CASR: variants seen among roughly 807,000 people sequenced by gnomAD.
CASR encodes calcium sensing receptor, also known as extracellular calcium-sensing receptor.
A neutral mutation model predicts 69.1 loss-of-function variants in CASR; 23 were observed. The observed-to-expected ratio is 0.33, with a 90% CI of 0.24 to 0.47. The LOEUF (loss-of-function observed/expected upper bound fraction) is 0.47. Among genes scored for constraint, CASR ranks in the 20% least tolerant of loss-of-function variants. CASR has a pLI of 1.00. For missense variants in CASR, 924 were observed against 1,356.1 expected (o/e 0.68, Z 5.00); for synonymous variants, 541 against 544.7 (o/e 0.99, Z 0.10).
At chr3:122,227,282 G>A (rs1487084159) in intron 1 of CASR, among the ~76,000 whole-genome samples, 1 of 152,160 alleles carries the variant, frequency 6.6e-6, no homozygotes, top group Non-Finnish European at 1.5e-5. Context: ...CATCAGGGAG[G>A]CTCCCGCCAC....
intron 1 of CASR, among the ~76,000 whole-genome samples, chr3:122,230,509 T>C (rs1195069030): frequency 1.3e-5 from 2 of 152,182 alleles, no homozygotes; most frequent in African/African-American, 4.8e-5. Flanking sequence ...CCTGAGGGGC[T>C]TCCCCTCTCT....
chr3:122,206,588 C>T (rs559045985), intron 1 of CASR, among the ~76,000 whole-genome samples: 4 of 152,022 alleles, frequency 2.6e-5, no homozygotes, highest in East Asian at 3.9e-4. Context: ...ACGCTGACCT[C>T]GAACAATGAG....
chr3:122,271,949 G>T (rs933103120), intron 4 of CASR, among the ~76,000 whole-genome samples: 4 of 152,070 alleles, frequency 2.6e-5, no homozygotes, highest in Non-Finnish European at 4.4e-5. Flanking sequence ...CCATTGTGTG[G>T]ATATACCACA....
intron 1 of CASR, among the ~76,000 whole-genome samples, chr3:122,207,568 C>T (rs1361103116): frequency 7.2e-5 from 11 of 151,944 alleles, no homozygotes; most frequent in Admixed American, 5.2e-4. Flanking sequence ...TGTTTCTGAA[C>T]ACCAATGAGT....
chr3:122,221,019 A>G (rs914351480), intron 1 of CASR, among the ~76,000 whole-genome samples: 2 of 152,142 alleles, frequency 1.3e-5, no homozygotes, highest in Non-Finnish European at 2.9e-5. Flanking sequence ...TGACCACTTC[A>G]TCTTGCCTTC....
intron 1 of CASR, among the ~76,000 whole-genome samples, chr3:122,188,586 A>G (rs1420622157): frequency 6.6e-6 from 1 of 152,142 alleles, no homozygotes; most frequent in Non-Finnish European, 1.5e-5. Flanking sequence ...ATCCATACCA[A>G]ATATAATATC....
At chr3:122,281,394 C>T (rs7647405) in intron 5 of CASR, among the ~76,000 whole-genome samples, 9,331 of 152,222 alleles carry the variant, frequency 0.061, 497 homozygotes, top group Admixed American at 0.17. Flanking sequence ...TGTCTGATTC[C>T]ACTAGCTAAG....
chr3:122,220,600 G>A (rs997289912), intron 1 of CASR, among the ~76,000 whole-genome samples: 4 of 152,178 alleles, frequency 2.6e-5, no homozygotes, highest in South Asian at 2.1e-4. Flanking sequence ...GAAAAGTAAC[G>A]ATATTATTTT....
intron 4 of CASR, among the ~76,000 whole-genome samples, chr3:122,271,938 C>A (rs2074762648): frequency 6.6e-6 from 1 of 152,114 alleles, no homozygotes; most frequent in Admixed American, 6.5e-5. Context: ...CAAATAGTAT[C>A]CCATTGTGTG....
intron 1 of CASR, among the ~76,000 whole-genome samples, chr3:122,219,362 T>G (rs2074148945): frequency 6.6e-6 from 1 of 152,092 alleles, no homozygotes; most frequent in Admixed American, 6.5e-5. Flanking sequence ...AAATGACCCC[T>G]AAAGAAGTGG....
At chr3:122,248,452 C>T (rs1056081757) in intron 1 of CASR, among the ~76,000 whole-genome samples, 11 of 152,252 alleles carry the variant, frequency 7.2e-5, no homozygotes, top group African/African-American at 2.4e-4. Context: ...TGGCTTCAGA[C>T]CCTACTGTTA....
intron 4 of CASR, among the ~76,000 whole-genome samples, chr3:122,268,277 G>T (rs2074716480): frequency 6.6e-6 from 1 of 152,224 alleles, no homozygotes; most frequent in African/African-American, 2.4e-5. Context: ...TTAGTCTTGA[G>T]TATTATTCTT....
At chr3:122,215,381 C>T (rs921784290) in intron 1 of CASR, among the ~76,000 whole-genome samples, 2 of 152,210 alleles carry the variant, frequency 1.3e-5, no homozygotes, top group African/African-American at 4.8e-5. Flanking sequence ...AAAAAGATGA[C>T]AGCCATCTAT....
chr3:122,198,799 T>C (rs569673299), intron 1 of CASR, among the ~76,000 whole-genome samples: 1 of 151,744 alleles, frequency 6.6e-6, no homozygotes, highest in South Asian at 2.1e-4. Flanking sequence ...TTGTCATTCA[T>C]ACTAGAGATA....
At chr3:122,201,085 G>C (rs2073945946) in intron 1 of CASR, among the ~76,000 whole-genome samples, 1 of 151,320 alleles carries the variant, frequency 6.6e-6, no homozygotes, top group African/African-American at 2.4e-5. Flanking sequence ...ATAGTGGAGG[G>C]AAGGTCAGCA....
chr3:122,224,861 A>C (rs773854489), intron 1 of CASR, among the ~76,000 whole-genome samples: 1 of 152,198 alleles, frequency 6.6e-6, no homozygotes, highest in African/African-American at 2.4e-5. Context: ...CCAATGGAAC[A>C]GGATAGAGAA....
intron 5 of CASR, among the ~76,000 whole-genome samples, chr3:122,281,820 C>T (rs34346613): frequency 0.17 from 25,725 of 152,020 alleles, 2,616 homozygotes; most frequent in East Asian, 0.4. Flanking sequence ...AAAGTAGTGG[C>T]GCTTTTCCCA....
At chr3:122,196,405 G>A (rs2073891106) in intron 1 of CASR, among the ~76,000 whole-genome samples, 2 of 152,130 alleles carry the variant, frequency 1.3e-5, no homozygotes, top group South Asian at 4.1e-4. Flanking sequence ...GCTGTGAGAT[G>A]AAGTAAGGTG....
intron 1 of CASR, among the ~76,000 whole-genome samples, chr3:122,214,037 G>A (rs1481139989): frequency 1.3e-5 from 2 of 152,140 alleles, no homozygotes; most frequent in East Asian, 3.8e-4. Context: ...AAACTCCAAG[G>A]TGACTGCTGA....
Sources: gnomAD v4.1 joint callset for allele counts (sites outside exome capture counted in the v4.1 genomes callset) on GRCh38, gnomAD v4.1.1 for gene constraint, MANE v1.5 for transcripts, NCBI Gene and HGNC (gene_info 2026-07-23, HGNC 2026-07-21) for gene names.